The following GGA3 variants were observed in gnomAD, a reference collection of about 807,000 sequenced individuals.
GGA3 encodes the protein ADP-ribosylation factor-binding protein GGA3.
GGA3 carries 57 observed loss-of-function variants against 77.5 expected under a neutral mutation model. That is an observed-to-expected ratio of 0.74 (90% CI 0.59 to 0.92). The LOEUF (loss-of-function observed/expected upper bound fraction) is 0.92. Ranked by LOEUF, GGA3 falls within the 40% of genes least tolerant of loss-of-function variation. The pLI is 0.00. For missense variants in GGA3, 970 were observed against 914.9 expected, an observed-to-expected ratio of 1.06 and a Z score of -0.78; for synonymous variants, 416 against 383.7, an observed-to-expected ratio of 1.08 and a Z score of -0.98.
intron 1 of GGA3, among the ~76,000 whole-genome samples, chr17:75,250,955 C>T (rs1202829635): frequency 1.3e-5 from 2 of 150,230 alleles, no homozygotes. Flanking sequence ...GTTCCGCGCA[C>T]CTGTGATCCC....
chr17:75,238,859 C>T, intron 15 of GGA3, 55 bp downstream of exon 15: 1 of 1,598,958 alleles, frequency 6.3e-7, no homozygotes, highest in Non-Finnish European at 8.5e-7. Context: ...CTGCAAAGGC[C>T]TCTACACAAC....
At chr17:75,262,012 G>C (rs113104724), upstream of GGA3, 38 of 1,599,566 alleles carry the variant, frequency 2.4e-5, no homozygotes, top group East Asian at 8.9e-5. Flanking sequence ...GCGGCGGGGG[G>C]GCGCTGCGAG....
chr17:75,239,715 C>T, intron 13 of GGA3, 74 bp downstream of exon 13: 1 of 1,566,376 alleles, frequency 6.4e-7, no homozygotes, highest in Non-Finnish European at 8.8e-7. Flanking sequence ...ACCCCCACCC[C>T]TTCAAAGTTA....
chr17:75,239,120 C>T, intron 14 of GGA3, 37 bp from the exon 15 acceptor site: 1 of 1,586,086 alleles, frequency 6.3e-7, no homozygotes, highest in Non-Finnish European at 8.6e-7. Context: ...AGGAGCAGCA[C>T]CAGAGACACC....
Position 75,243,124 on chromosome 17 carries a change from A to T in GGA3, c.467T>A (p.Leu156Gln), listed in dbSNP as rs778050483. ...GGGACGAGGTGGTGGAGAGGGGATC[A>T]GCGTCCTATCCACAGGAATTGGTGG... ...SDPPIPVDRT[L>Q]IPSPPPRPKN... is the part of the protein sequence containing the mutation. Residue 156 changes from leucine (L) to glutamine (Q), a missense_variant, in exon 6 of 17, where the codon CTG becomes CAG. Transcript: ENST00000537686. The T allele has an allele frequency of 6.2e-7, 1 of 1,613,258 alleles. No individual in the cohort carries two copies.
At position 75,239,049 on chromosome 17, in the gene GGA3, G is replaced by GT; in HGVS notation, c.1814dup (p.Asn605LysfsTer19). 6.2e-7 allele frequency: 1 copy of GT among 1,613,828 alleles called. No individual in the cohort carries two copies. Among genetic ancestry groups the GT allele is most frequent in the East Asian group, 2.2e-5 (1 of 44,876 alleles). ...CAAAGTGGAAGAGGATGCGGAAGCCGTTTTTATCGTAGGCTGTCACAGGAA... is the reference window on the plus strand; with the variant it reads ...CAAAGTGGAAGAGGATGCGGAAGCCGTTTTTTATCGTAGGCTGTCACAGGAA... On this transcript the variant is annotated frameshift_variant, in exon 15 of 17. Coordinates refer to ENST00000537686, the MANE Select transcript of GGA3 (RefSeq NM_138619.4). LOFTEE classifies it high-confidence loss of function.
At position 75,239,390 on chromosome 17, in the gene GGA3, C is replaced by T; in HGVS notation, c.1765G>A (p.Glu589Lys). Reference sequence around the variant, plus strand: ...CAACACCTACTAGGCTTGATCGATTCCAGGGGCACGTGGATGCTGGCCAGG... The same window carrying T: ...CAACACCTACTAGGCTTGATCGATTTCAGGGGCACGTGGATGCTGGCCAGG... ...LSLASIHVPL[E>K]SIKPSSALPV... The change falls in exon 14 of 17, where the codon GAA becomes AAA. Residue 589 changes from glutamate to lysine, a missense_variant. Physicochemically the swap from Glu to Lys is moderately conservative, Grantham distance 56 (BLOSUM62 1). Coordinates refer to ENST00000537686, the MANE Select transcript of GGA3 (RefSeq NM_138619.4). 1 of 1,553,054 alleles carries T rather than the reference C, an allele frequency of 6.4e-7. No homozygotes were observed. Among genetic ancestry groups the T allele is most frequent in the Non-Finnish European group, 8.6e-7 (1 of 1,156,390 alleles).
In GGA3 at chr17:75,240,148, G is replaced by T; in HGVS notation, c.1264-40C>A. On this transcript the variant is annotated intron_variant, in intron 12 of 16. Coordinates refer to ENST00000537686, the MANE Select transcript of GGA3 (RefSeq NM_138619.4). ...AAGGGTGGTGAGCCGAGGGCGGGTG[G>T]GGAGGGCCTGCCGCTGGAACGGGGC... 3.8e-6 allele frequency: 5 copies of T among 1,328,618 alleles called. No individual in the cohort carries two copies. In the South Asian group the frequency reaches 3.8e-5, roughly 10 times the overall value. The allele number at this position is 1,328,618 out of a possible 1,614,324, so 82.3% of individuals were successfully genotyped here.
chr17:75,244,726 GCA>G lies in GGA3; in HGVS notation c.202-11_202-10del, dbSNP rs1175690321. 2 of 1,599,780 alleles carry G rather than the reference GCA, an allele frequency of 1.3e-6. No individual in the cohort carries two copies. Among genetic ancestry groups the G allele is most frequent in the Non-Finnish European group, 1.7e-6 (2 of 1,167,172 alleles). Reference sequence around the variant, plus strand: ...ATGCATGCCTCCAGCACCTGTAGCCGCACAGAGGAGAGGCGCTCAGTGAGGGC... The same window carrying G: ...ATGCATGCCTCCAGCACCTGTAGCCGCAGAGGAGAGGCGCTCAGTGAGGGC... On this transcript the variant is annotated splice_polypyrimidine_tract_variant and intron_variant, in intron 3 of 16. Coordinates refer to ENST00000537686, the MANE Select transcript of GGA3 (RefSeq NM_138619.4).
chr17:75,242,956 G>A (rs758289359), intron 6 of GGA3, 45 bp from the exon 7 acceptor site: 25 of 1,529,328 alleles, frequency 1.6e-5, no homozygotes, highest in Middle Eastern at 1.7e-4. Context: ...GGCAGCACCC[G>A]TACCCCAGGG....
Position 75,242,936 on chromosome 17 carries a change from G to A in GGA3, c.529-25C>T, listed in dbSNP as rs751105901. On this transcript the variant is annotated intron_variant, in intron 6 of 16. Transcript: ENST00000537686. Reference sequence around the variant, plus strand: ...GCTGAGAGAGGAGGAAATCAGAGGTGAAGGGAAGAGGCAGCACCCGTACCC... The same window carrying A: ...GCTGAGAGAGGAGGAAATCAGAGGTAAAGGGAAGAGGCAGCACCCGTACCC... The A allele has an allele frequency of 2.5e-6, 4 of 1,592,016 alleles. No homozygotes were observed. In the East Asian group the frequency reaches 8.9e-5, roughly 36 times the overall value.
intron 1 of GGA3, among the ~76,000 whole-genome samples, chr17:75,247,920 T>G (rs1567794286): frequency 6.6e-6 from 1 of 152,224 alleles, no homozygotes; most frequent in Non-Finnish European, 1.5e-5. Flanking sequence ...GGTGGTTACA[T>G]GGGTTCCCAT....
At chr17:75,246,911 T>C (rs2076778969) in intron 1 of GGA3, 115 bp from the exon 2 acceptor site, 2 of 754,642 alleles carry the variant, frequency 2.7e-6, no homozygotes, top group Admixed American at 2.1e-5. Context: ...TACTCTCTAA[T>C]AGAGAAGCCT....
intron 10 of GGA3, 151 bp from the exon 11 acceptor site, chr17:75,241,208 G>A (rs554050092): frequency 2.9e-6 from 3 of 1,020,414 alleles, no homozygotes; most frequent in East Asian, 2.4e-5. Flanking sequence ...AAGCAAGCCC[G>A]AGAAAGCAGG....
At chr17:75,248,873 G>A in intron 1 of GGA3, 1 of 984,234 alleles carries the variant, frequency 1.0e-6, no homozygotes, top group Non-Finnish European at 1.2e-6. Flanking sequence ...AGAGACTCCA[G>A]CTCCTTCACT....
intron 14 of GGA3, 137 bp from the exon 15 acceptor site, chr17:75,239,220 G>A: frequency 1.0e-6 from 1 of 979,286 alleles, no homozygotes; most frequent in South Asian, 1.7e-5. Flanking sequence ...GAGGCGCTCA[G>A]TGAGGAGCTT....
At chr17:75,245,330 G>A (rs2076715868) in intron 3 of GGA3, among the ~76,000 whole-genome samples, 1 of 152,162 alleles carries the variant, frequency 6.6e-6, no homozygotes, top group African/African-American at 2.4e-5. Flanking sequence ...GTGAGGCCTG[G>A]CTGACATTTT....
Position 75,238,937 on chromosome 17 carries a change from C to T in GGA3, c.1927G>A (p.Val643Met). The T allele has an allele frequency of 3.1e-6, 5 of 1,614,052 alleles. No homozygotes were observed. Among genetic ancestry groups the T allele is most frequent in the East Asian group, 2.2e-5 (1 of 44,878 alleles). Residue 643 changes from valine (V) to methionine (M), a missense_variant, in exon 15 of 17, where the codon GTG becomes ATG. Physicochemically the swap from Val to Met is conservative, Grantham distance 21 (BLOSUM62 1). Transcript: ENST00000537686. ...NTAPLPVKSI[V>M]LQAAVPKSMK... ...ACCTTGGGCACTGCAGCCTGCAGCA[C>T]GATGCTCTTGACAGGTAAGGGAGCC...
At position 75,237,432 on chromosome 17, in the gene GGA3, G is replaced by A. The variant is rs1598378108; in HGVS notation, c.*847C>T. 2 of 1,486,458 alleles carry A rather than the reference G, an allele frequency of 1.3e-6. No individual in the cohort carries two copies. Among genetic ancestry groups the A allele is most frequent in the South Asian group, 1.2e-5 (1 of 83,088 alleles). The allele number at this position is 1,486,458 out of a possible 1,614,324, so 92.1% of individuals were successfully genotyped here. A position where few individuals can be genotyped will look rare whatever the true frequency, so the allele number is the denominator to read the frequency against. Reference sequence around the variant, plus strand: ...GTAGAGTGGCGGTAGATTCCAAGGGGAGGATAGCAGTTTATTTCATGCCAA... The same window carrying A: ...GTAGAGTGGCGGTAGATTCCAAGGGAAGGATAGCAGTTTATTTCATGCCAA... On this transcript the variant is annotated 3_prime_UTR_variant, in exon 17 of 17. Transcript: ENST00000537686.
Sources: allele counts gnomAD v4.1 joint callset (sites outside exome capture counted in the v4.1 genomes callset), GRCh38; gene constraint gnomAD v4.1.1; transcripts MANE v1.5; gene names NCBI Gene and HGNC (gene_info 2026-07-23, HGNC 2026-07-21).